Variants in LHFPL3 observed in about 807,000 individuals in gnomAD.
LHFPL3 encodes the protein LHFPL tetraspan subfamily member 3 protein.
A neutral mutation model predicts 19.3 loss-of-function variants in LHFPL3; 5 were observed. The ratio of observed to expected loss-of-function variants is 0.26; its 90% CI spans 0.14 to 0.54. The LOEUF is 0.54. Ranked by LOEUF, LHFPL3 falls within the 20% of genes least tolerant of loss-of-function variation. The pLI is 0.94. For missense variants in LHFPL3, 249 were observed against 307.4 expected (o/e 0.81, Z 1.42); for synonymous variants, 133 against 126.2 (o/e 1.05, Z -0.36).
chr7:104,799,642 T>C (rs1790202249), intron 2 of LHFPL3: 1 of 152,636 alleles, frequency 6.6e-6, no homozygotes, highest in African/African-American at 2.4e-5. Context: ...TCTTGGGTAT[T>C]GATGATCCTG....
At chr7:104,387,074 A>G (rs1469622940) in intron 1 of LHFPL3, among the ~76,000 whole-genome samples, 1 of 152,212 alleles carries the variant, frequency 6.6e-6, no homozygotes, top group Non-Finnish European at 1.5e-5. Flanking sequence ...TAAATCAGCT[A>G]TTACAAATAT....
At chr7:104,886,773 C>T (rs532657920) in intron 2 of LHFPL3, among the ~76,000 whole-genome samples, 9 of 152,336 alleles carry the variant, frequency 5.9e-5, no homozygotes, top group Middle Eastern at 3.4e-3. Flanking sequence ...ATTTACTGTA[C>T]ATAAAACACA....
At chr7:104,364,585 T>C (rs1790449747) in intron 1 of LHFPL3, among the ~76,000 whole-genome samples, 1 of 152,220 alleles carries the variant, frequency 6.6e-6, no homozygotes, top group Non-Finnish European at 1.5e-5. Context: ...AATGCTGGGT[T>C]ATGGTCACAA....
chr7:104,796,260 G>A (rs935169912), intron 2 of LHFPL3, among the ~76,000 whole-genome samples: 9 of 152,164 alleles, frequency 5.9e-5, no homozygotes, highest in African/African-American at 2.2e-4. Flanking sequence ...GTGTGACCGG[G>A]GGGCTGGTTT....
At chr7:104,463,093 T>C (rs1792707553) in intron 1 of LHFPL3, among the ~76,000 whole-genome samples, 1 of 152,200 alleles carries the variant, frequency 6.6e-6, no homozygotes, top group African/African-American at 2.4e-5. Flanking sequence ...TAATATCATC[T>C]TTGTCATAAT....
chr7:104,343,728 CGTGTGTGT>C (rs10687589), intron 1 of LHFPL3, among the ~76,000 whole-genome samples: 13 of 148,858 alleles, frequency 8.7e-5, no homozygotes, highest in Admixed American at 2.7e-4. Context: ...GTATGGCTTG[CGTGTGTGT>C]GTGTGTGTGT....
chr7:104,676,414 T>A (rs942109164), intron 1 of LHFPL3, among the ~76,000 whole-genome samples: 6 of 152,322 alleles, frequency 3.9e-5, no homozygotes, highest in East Asian at 1.9e-4. Context: ...TTAAAAAAAA[T>A]TCATCTTTGA....
At chr7:104,496,923 C>T (rs936181164) in intron 1 of LHFPL3, among the ~76,000 whole-genome samples, 2 of 152,000 alleles carry the variant, frequency 1.3e-5, no homozygotes, top group Non-Finnish European at 2.9e-5. Context: ...TCTCCAGTAC[C>T]CCAAAGTATT....
intron 1 of LHFPL3, among the ~76,000 whole-genome samples, chr7:104,699,495 A>C (rs1289350777): frequency 6.6e-6 from 1 of 152,178 alleles, no homozygotes; most frequent in Admixed American, 6.5e-5. Flanking sequence ...TGAGTAGTCA[A>C]ATTCATAGAG....
chr7:104,884,982 CA>C (rs1195374047), intron 2 of LHFPL3, among the ~76,000 whole-genome samples: 1 of 152,214 alleles, frequency 6.6e-6, no homozygotes, highest in African/African-American at 2.4e-5. Flanking sequence ...GGTCAGCAGG[CA>C]GGGGAGAGGG....
At chr7:104,628,503 A>G (rs1038713622) in intron 1 of LHFPL3, among the ~76,000 whole-genome samples, 13 of 152,178 alleles carry the variant, frequency 8.5e-5, no homozygotes, top group Non-Finnish European at 1.9e-4. Flanking sequence ...TTCTATATTT[A>G]CAAAGTATCT....
intron 2 of LHFPL3, among the ~76,000 whole-genome samples, chr7:104,840,308 C>CTTTTTTTTTTTTTTTTTTTTTCTTTTTTT: frequency 8.4e-6 from 1 of 118,376 alleles, no homozygotes; most frequent in Non-Finnish European, 1.6e-5. Context: ...TGTGGGTTTT[C>CTTTTTTTTTTTTTTTTTTTTTCTTTTTTT]TTTTTTTTTT....
intron 1 of LHFPL3, among the ~76,000 whole-genome samples, chr7:104,516,573 T>A (rs946434538): frequency 6.6e-6 from 1 of 152,098 alleles, no homozygotes; most frequent in African/African-American, 2.4e-5. Flanking sequence ...ATTAGGGAAA[T>A]GTGAATCAAA....
At chr7:104,798,185 C>T (rs958288084) in intron 2 of LHFPL3, among the ~76,000 whole-genome samples, 1 of 152,166 alleles carries the variant, frequency 6.6e-6, no homozygotes, top group African/African-American at 2.4e-5. Flanking sequence ...ATATCTTCTC[C>T]TCAAGAGAAA....
At chr7:104,659,415 C>T (rs917931710) in intron 1 of LHFPL3, among the ~76,000 whole-genome samples, 4 of 152,164 alleles carry the variant, frequency 2.6e-5, no homozygotes, top group African/African-American at 7.2e-5. Context: ...CATTGTTGTT[C>T]GGTCATTCAG....
At chr7:104,771,918 T>A (rs760505843) in intron 2 of LHFPL3, among the ~76,000 whole-genome samples, 48 of 145,844 alleles carry the variant, frequency 3.3e-4, no homozygotes, top group Non-Finnish European at 6.1e-4. Context: ...GCCTCCCGGG[T>A]TCAAGCGATC....
intron 1 of LHFPL3, among the ~76,000 whole-genome samples, chr7:104,591,306 C>T (rs1303775878): frequency 2.6e-5 from 4 of 152,160 alleles, no homozygotes; most frequent in Non-Finnish European, 5.9e-5. Flanking sequence ...TAAGGCAGGC[C>T]TGATGGTGAC....
intron 1 of LHFPL3, among the ~76,000 whole-genome samples, chr7:104,440,470 G>A (rs942230918): frequency 6.6e-5 from 10 of 151,560 alleles, no homozygotes; most frequent in African/African-American, 9.7e-5. Flanking sequence ...TGTAAATGAC[G>A]AGTTAATGGG....
chr7:104,888,037 T>C (rs1433856241), intron 2 of LHFPL3, among the ~76,000 whole-genome samples: 2 of 152,214 alleles, frequency 1.3e-5, no homozygotes, highest in African/African-American at 4.8e-5. Context: ...TGGCACTTCA[T>C]CTGCTGTGGG....
Sources: allele counts gnomAD v4.1 joint callset (sites outside exome capture counted in the v4.1 genomes callset), GRCh38; gene constraint gnomAD v4.1.1; transcripts MANE v1.5; gene names NCBI Gene and HGNC (gene_info 2026-07-23, HGNC 2026-07-21).